RPAP2: variants seen among roughly 807,000 people sequenced by gnomAD.
RPAP2 encodes the protein RNA polymerase II associated protein 2, also known as putative RNA polymerase II subunit B1 CTD phosphatase RPAP2.
Under a neutral mutation model 73.1 loss-of-function variants are expected in RPAP2, and 52 were observed. That is an observed-to-expected ratio of 0.71 (90% CI 0.57 to 0.90). The LOEUF is 0.90. Ranked by LOEUF, RPAP2 falls within the 40% of genes least tolerant of loss-of-function variation. The pLI is 0.00. For missense variants in RPAP2, 598 were observed against 701.8 expected (o/e 0.85, Z 1.67); for synonymous variants, 225 against 242.1 (o/e 0.93, Z 0.65).
In RPAP2 at chr1:92,373,745, A is replaced by T. The variant is rs796620707; in HGVS notation, c.1689-6979A>T. Among the ~76,000 whole-genome samples, 1,162 of 128,244 alleles carry T rather than the reference A, an allele frequency of 9.1e-3. 2 individuals are homozygous for T. The highest frequency in any genetic ancestry group is 0.036 in the African/African-American group (1,064 of 29,168). The allele number at this position is 128,244 out of a possible 152,430, so 84.1% of individuals were successfully genotyped here. ...ACCCCGTCTCTACTAAAAATAAAAA[A>T]AAAAAAAAAAAAAAAAAAAAAAAAA... On this transcript the variant is annotated intron_variant, in intron 11 of 12. Coordinates refer to ENST00000610020, the MANE Select transcript of RPAP2 (RefSeq NM_024813.3).
At chr1:92,309,440 CA>C (rs35648463) in intron 6 of RPAP2, among the ~76,000 whole-genome samples, 9 of 145,754 alleles carry the variant, frequency 6.2e-5, no homozygotes, top group Non-Finnish European at 7.5e-5. Context: ...GACTCCATCT[CA>C]AAAAAAAAAA....
At chr1:92,368,021 T>A (rs1258844306) in intron 11 of RPAP2, among the ~76,000 whole-genome samples, 1 of 152,212 alleles carries the variant, frequency 6.6e-6, no homozygotes, top group Non-Finnish European at 1.5e-5. Context: ...CTAGGATTAT[T>A]CAGGAAAGGA....
At chr1:92,354,046 A>C (rs1020351444) in intron 11 of RPAP2, among the ~76,000 whole-genome samples, 2 of 152,116 alleles carry the variant, frequency 1.3e-5, no homozygotes, top group African/African-American at 4.8e-5. Flanking sequence ...CTGAGCAAAA[A>C]GATGTGCACT....
intron 11 of RPAP2, among the ~76,000 whole-genome samples, chr1:92,358,677 T>C (rs1654599241): frequency 6.6e-6 from 1 of 152,018 alleles, no homozygotes; most frequent in Non-Finnish European, 1.5e-5. Context: ...AGCCTTAATC[T>C]CCTGAGTTCA....
chr1:92,328,762 C>T (rs1652788775), intron 8 of RPAP2, among the ~76,000 whole-genome samples: 1 of 152,128 alleles, frequency 6.6e-6, no homozygotes, highest in Non-Finnish European at 1.5e-5. Flanking sequence ...GGTTCCTTCT[C>T]ATTTGGGTAG....
chr1:92,350,360 A>G (rs1406014424), intron 11 of RPAP2, among the ~76,000 whole-genome samples: 1 of 152,168 alleles, frequency 6.6e-6, no homozygotes, highest in Non-Finnish European at 1.5e-5. Context: ...TAACAGTGAT[A>G]ATTGATTGAC....
chr1:92,325,298 G>T (rs1652562924), intron 8 of RPAP2, among the ~76,000 whole-genome samples: 1 of 152,136 alleles, frequency 6.6e-6, no homozygotes, highest in Non-Finnish European at 1.5e-5. Context: ...TGGAGATTTG[G>T]AAAGAGGGTA....
chr1:92,324,992 C>T (rs1199077961), intron 8 of RPAP2, among the ~76,000 whole-genome samples: 1 of 152,110 alleles, frequency 6.6e-6, no homozygotes, highest in Non-Finnish European at 1.5e-5. Flanking sequence ...CTATTAATAG[C>T]TTCTCTTGCT....
intron 11 of RPAP2, chr1:92,363,844 A>G (rs1654825887): frequency 4.6e-6 from 1 of 217,528 alleles, no homozygotes; most frequent in Admixed American, 5.0e-5. Context: ...ATAAGGATCT[A>G]ATACATATCC....
At chr1:92,385,456 G>A in intron 12 of RPAP2, among the ~76,000 whole-genome samples, 1 of 152,120 alleles carries the variant, frequency 6.6e-6, no homozygotes. Flanking sequence ...TACTTTGTCA[G>A]TATTATAAAG....
chr1:92,329,126 G>A (rs1293086138), intron 8 of RPAP2, among the ~76,000 whole-genome samples: 1 of 152,198 alleles, frequency 6.6e-6, no homozygotes, highest in African/African-American at 2.4e-5. Flanking sequence ...TCAGCCAGGA[G>A]GTGGTGCTTT....
Position 92,394,745 on chromosome 1 carries a change from T to G in RPAP2, c.*7734T>G, listed in dbSNP as rs1253924235. Reference sequence around the variant, plus strand: ...TCATGAATTGGAAGATCAAATGTTGTTAAGATAGCAGTTCTCCCCAAATTA... The same window carrying G: ...TCATGAATTGGAAGATCAAATGTTGGTAAGATAGCAGTTCTCCCCAAATTA... On this transcript the variant is annotated 3_prime_UTR_variant, in exon 13 of 13. Coordinates refer to ENST00000610020, the MANE Select transcript of RPAP2 (RefSeq NM_024813.3). 1.3e-5 allele frequency: 2 copies of G among 152,248 alleles called. No homozygotes were observed. The highest frequency in any genetic ancestry group is 2.9e-5 in the Non-Finnish European group (2 of 68,048). The allele number at this position is 152,248 out of a possible 1,614,324, so 9.4% of individuals were successfully genotyped here.
At chr1:92,340,326 GACA>G (rs1653524958) in intron 10 of RPAP2, among the ~76,000 whole-genome samples, 1 of 152,174 alleles carries the variant, frequency 6.6e-6, no homozygotes, top group Non-Finnish European at 1.5e-5. Flanking sequence ...CCAGATTCTG[GACA>G]ACGTTGGCAG....
intron 5 of RPAP2, among the ~76,000 whole-genome samples, chr1:92,305,018 C>A (rs976103680): frequency 7.2e-5 from 11 of 151,980 alleles, no homozygotes; most frequent in African/African-American, 2.7e-4. Flanking sequence ...ACCTGTAGTC[C>A]CAGCTACTCA....
chr1:92,348,307 C>T (rs1654018411), intron 11 of RPAP2, among the ~76,000 whole-genome samples: 1 of 152,234 alleles, frequency 6.6e-6, no homozygotes, highest in African/African-American at 2.4e-5. Context: ...CCTTCCTTCT[C>T]CTAGTCATTG....
intron 8 of RPAP2, among the ~76,000 whole-genome samples, chr1:92,325,155 T>C (rs1652553122): frequency 6.6e-6 from 1 of 152,182 alleles, no homozygotes; most frequent in Admixed American, 6.5e-5. Context: ...ACTACCCATC[T>C]TTGATTGATG....
rs534101628 is a variant in RPAP2, at chr1:92,366,225, C to T, written c.1689-14499C>T. 4.6e-5 allele frequency among the ~76,000 whole-genome samples: 7 copies of T among 152,234 alleles called. No individual in the cohort carries two copies. In the East Asian group the frequency reaches 1.4e-3, roughly 29 times the overall value. ...GGCTGAGGTAGAAGGATTGCTTGAG[C>T]CCAGGAGTTTGAGGCTGCAGTGAGC... On this transcript the variant is annotated intron_variant, in intron 11 of 12. Coordinates refer to ENST00000610020, the MANE Select transcript of RPAP2 (RefSeq NM_024813.3).
At chr1:92,375,599 C>T (rs780108004) in intron 11 of RPAP2, among the ~76,000 whole-genome samples, 1 of 152,062 alleles carries the variant, frequency 6.6e-6, no homozygotes, top group Non-Finnish European at 1.5e-5. Flanking sequence ...GGGAGGCCTA[C>T]GCGGGCAGAT....
In RPAP2 at chr1:92,395,934, A is replaced by T. The variant is rs1354826186; in HGVS notation, c.*8923A>T. ...ACCCACTAAAATGACTATAATAAAA[A>T]AGACAGACAAAGATATGTGTTGGTG... On this transcript the variant is annotated 3_prime_UTR_variant, in exon 13 of 13. Coordinates refer to ENST00000610020, the MANE Select transcript of RPAP2 (RefSeq NM_024813.3). 6.6e-6 allele frequency: 1 copy of T among 152,212 alleles called. No homozygotes were observed. The highest frequency in any genetic ancestry group is 2.4e-5 in the African/African-American group (1 of 41,462). The allele number at this position is 152,212 out of a possible 1,614,324, so 9.4% of individuals were successfully genotyped here.
Sources: allele counts gnomAD v4.1 joint callset (sites outside exome capture counted in the v4.1 genomes callset), GRCh38; gene constraint gnomAD v4.1.1; transcripts MANE v1.5; gene names NCBI Gene and HGNC (gene_info 2026-07-23, HGNC 2026-07-21).